Variants in DIAPH2 observed in about 807,000 individuals in gnomAD.
The protein encoded by DIAPH2 is diaphanous related formin 2, also known as protein diaphanous homolog 2.
Under a neutral mutation model 92.7 loss-of-function variants are expected in DIAPH2, and 35 were observed. That is an observed-to-expected ratio of 0.38 (90% confidence interval 0.29 to 0.50). DIAPH2 has a LOEUF of 0.50. Among genes scored for constraint, DIAPH2 ranks in the 20% least tolerant of loss-of-function variants. The pLI is 0.94. For missense variants in DIAPH2, 701 were observed against 819.5 expected, an observed-to-expected ratio of 0.86 and a Z score of 1.77; for synonymous variants, 301 against 280.4, an observed-to-expected ratio of 1.07 and a Z score of -0.73.
At chrX:97,385,272 G>A (rs904024210) in intron 25 of DIAPH2, among the ~76,000 whole-genome samples, 4 of 110,591 alleles carry the variant, frequency 3.6e-5, no homozygotes, top group Admixed American at 9.7e-5. Flanking sequence ...TAGCTCTGTC[G>A]CCCAAGCTGG....
At chrX:96,764,565 G>A (rs985016166) in intron 4 of DIAPH2, among the ~76,000 whole-genome samples, 14 of 111,586 alleles carry the variant, frequency 1.3e-4, no homozygotes, top group African/African-American at 4.6e-4. Context: ...AAATAAATTC[G>A]ATAGGTGGAT....
At chrX:96,846,346 C>T (rs1186222766) in intron 4 of DIAPH2, among the ~76,000 whole-genome samples, 1 of 110,650 alleles carries the variant, frequency 9.0e-6, no homozygotes, top group Non-Finnish European at 1.9e-5. Context: ...GGGGTTTCAC[C>T]GTGTTAGCCA....
Position 96,939,267 on chromosome X carries a change from G to A in DIAPH2, c.1210G>A (p.Asp404Asn). Reference protein sequence around the residue: ...RLNDIRAEMDDMNEVYHLLYN... With the variant: ...RLNDIRAEMDNMNEVYHLLYN... ...TAATATTTTTCCTTTACTTTCTACT[G>A]ATATGAATGAAGTCTACCATCTTCT... Residue 404 changes from aspartate (D) to asparagine (N), a missense_variant and splice_region_variant, in exon 12 of 27, where the codon GAT becomes AAT. By Grantham distance (23) the Asp-to-Asn change is conservative (BLOSUM62 1). Coordinates refer to ENST00000324765, the MANE Select transcript of DIAPH2 (RefSeq NM_006729.5). The A allele has an allele frequency of 1.1e-6, 1 of 943,433 alleles. No homozygotes were observed. Among genetic ancestry groups the A allele is most frequent in the Non-Finnish European group, 1.5e-6 (1 of 665,862 alleles). 77.7% of individuals were successfully genotyped at this position (943,433 alleles called of 1,213,427 possible).
At chrX:96,920,456 C>A (rs1370103358) in intron 9 of DIAPH2, among the ~76,000 whole-genome samples, 1 of 111,719 alleles carries the variant, frequency 9.0e-6, no homozygotes, top group Non-Finnish European at 1.9e-5. Context: ...TTAAAATCTT[C>A]TTTAAATAAA....
Position 97,300,947 on chromosome X carries a change from A to AAAAAAAAAAAAC in DIAPH2, c.2845-47158_2845-47157insCAAAAAAAAAAA, listed in dbSNP as rs2068695036. ...ACTCCGTCTTAAAAAAAAAAAAAAA[A>AAAAAAAAAAAAC]AAAAAAAAAAAAAAAAAAGAAGAAG... On this transcript the variant is annotated intron_variant, in intron 23 of 26. Coordinates refer to ENST00000324765, the MANE Select transcript of DIAPH2 (RefSeq NM_006729.5). Among the ~76,000 whole-genome samples the AAAAAAAAAAAAC allele has an allele frequency of 4.7e-5, 3 of 64,008 alleles. 1 individual carries two copies. Among genetic ancestry groups the AAAAAAAAAAAAC allele is most frequent in the African/African-American group, 1.5e-4 (3 of 20,026 alleles). The allele number at this position is 64,008 out of a possible 115,157, so 55.6% of individuals were successfully genotyped here.
At chrX:97,086,603 C>T (rs898009627) in intron 19 of DIAPH2, among the ~76,000 whole-genome samples, 2 of 111,574 alleles carry the variant, frequency 1.8e-5, no homozygotes, top group Admixed American at 9.5e-5. Context: ...TTAGTCATTC[C>T]ACAGTGTATA....
chrX:97,047,541 G>GTTT (rs2066492124), intron 17 of DIAPH2, among the ~76,000 whole-genome samples: 1 of 62,372 alleles, frequency 1.6e-5, no homozygotes, highest in Non-Finnish European at 2.8e-5. Context: ...GATAAAATAG[G>GTTT]CTTTTTTTTT....
chrX:97,223,196 A>G (rs2067939431), intron 22 of DIAPH2, among the ~76,000 whole-genome samples: 1 of 111,068 alleles, frequency 9.0e-6, no homozygotes, highest in Non-Finnish European at 1.9e-5. Context: ...TCCAAAGCAA[A>G]TTTTCCTTTT....
At chrX:96,859,800 C>T (rs974094632) in intron 4 of DIAPH2, among the ~76,000 whole-genome samples, 1 of 109,660 alleles carries the variant, frequency 9.1e-6, no homozygotes, top group African/African-American at 3.3e-5. Context: ...CACCACCACG[C>T]CCGGCTAATT....
chrX:96,917,754 C>G (rs1480908862), intron 8 of DIAPH2, among the ~76,000 whole-genome samples: 2 of 110,408 alleles, frequency 1.8e-5, no homozygotes, highest in Non-Finnish European at 3.8e-5. Flanking sequence ...CTTTAATCAC[C>G]TGGGCTTTCC....
intron 17 of DIAPH2, among the ~76,000 whole-genome samples, chrX:97,049,535 G>A (rs1326511375): frequency 9.1e-6 from 1 of 110,464 alleles, no homozygotes; most frequent in Admixed American, 9.6e-5. Flanking sequence ...CAGATTATGG[G>A]GTTTCATAGA....
In DIAPH2 at chrX:97,352,598, A is replaced by G. The variant is rs926277872; in HGVS notation, c.3009+4318A>G. ...AAAGAACAGCATACAGGCCAGGCTC[A>G]GTGGCTCAAGCCGGTAATCCCAGCA... On this transcript the variant is annotated intron_variant, in intron 24 of 26. Transcript: ENST00000324765. Among the ~76,000 whole-genome samples the G allele has an allele frequency of 7.3e-5, 8 of 110,012 alleles. 1 individual carries two copies. Among genetic ancestry groups the G allele is most frequent in the Non-Finnish European group, 7.6e-5 (4 of 52,397 alleles).
chrX:96,888,527 C>CTA (rs1159659549), intron 5 of DIAPH2, among the ~76,000 whole-genome samples: 11 of 98,240 alleles, frequency 1.1e-4, no homozygotes, highest in Non-Finnish European at 4.0e-5. Context: ...ATACATATAT[C>CTA]TATATATATA....
intron 4 of DIAPH2, among the ~76,000 whole-genome samples, chrX:96,791,691 G>A (rs758950506): frequency 1.2e-4 from 13 of 111,268 alleles, no homozygotes; most frequent in African/African-American, 3.6e-4. Flanking sequence ...GAGGGATGAT[G>A]CTGGTTTTAT....
chrX:96,880,612 T>C (rs1378208867), intron 4 of DIAPH2, among the ~76,000 whole-genome samples: 1 of 111,903 alleles, frequency 8.9e-6, no homozygotes, highest in Non-Finnish European at 1.9e-5. Flanking sequence ...TATATCCTTA[T>C]GATGTTATTT....
intron 4 of DIAPH2, among the ~76,000 whole-genome samples, chrX:96,772,152 G>A (rs958990918): frequency 1.8e-5 from 2 of 111,562 alleles, no homozygotes; most frequent in Non-Finnish European, 3.8e-5. Flanking sequence ...TTATCTGTTC[G>A]GAAAGGACTG....
intron 4 of DIAPH2, among the ~76,000 whole-genome samples, chrX:96,832,090 A>T (rs1338602647): frequency 8.9e-6 from 1 of 111,732 alleles, no homozygotes; most frequent in Non-Finnish European, 1.9e-5. Flanking sequence ...TAATTGAGAA[A>T]AAAGGTACAA....
At chrX:97,307,139 AAT>A (rs1602495573) in intron 23 of DIAPH2, among the ~76,000 whole-genome samples, 1 of 112,097 alleles carries the variant, frequency 8.9e-6, no homozygotes, top group African/African-American at 3.2e-5. Flanking sequence ...TGCTGACTTG[AAT>A]AAAAAGCCAC....
intron 19 of DIAPH2, among the ~76,000 whole-genome samples, chrX:97,092,125 G>A (rs2066830135): frequency 8.9e-6 from 1 of 112,285 alleles, no homozygotes; most frequent in Admixed American, 9.4e-5. Context: ...GGACTTCAGT[G>A]TCTGGTTATG....
Sources: allele counts gnomAD v4.1 joint callset (sites outside exome capture counted in the v4.1 genomes callset), GRCh38; gene constraint gnomAD v4.1.1; transcripts MANE v1.5; gene names NCBI Gene and HGNC (gene_info 2026-07-23, HGNC 2026-07-21).